DAB1: variants seen among roughly 807,000 people sequenced by gnomAD.
The protein encoded by DAB1 is DAB adaptor protein 1, also known as disabled homolog 1.
A neutral mutation model predicts 64.6 loss-of-function variants in DAB1; 15 were observed. The ratio of observed to expected loss-of-function variants is 0.23; its 90% CI spans 0.16 to 0.36. The LOEUF (loss-of-function observed/expected upper bound fraction) is 0.36. Among genes scored for constraint, DAB1 ranks in the 10% least tolerant of loss-of-function variants. The pLI, the probability that DAB1 is intolerant of heterozygous loss-of-function variation, is 1.00. For synonymous variants in DAB1, 235 were observed against 251.9 expected, an observed-to-expected ratio of 0.93 and a Z score of 0.64; for missense variants, 596 against 706.7, an observed-to-expected ratio of 0.84 and a Z score of 1.78.
intron 3 of DAB1, among the ~76,000 whole-genome samples, chr1:58,490,027 C>G (rs1371168020): frequency 6.6e-6 from 1 of 152,230 alleles, no homozygotes; most frequent in Admixed American, 6.5e-5. Flanking sequence ...TTCTAAAAAT[C>G]AGAGTGCCTC....
intron 1 of DAB1, among the ~76,000 whole-genome samples, chr1:57,854,875 T>C (rs1374063989): frequency 6.6e-6 from 1 of 152,218 alleles, no homozygotes; most frequent in East Asian, 1.9e-4. Context: ...GGGTTAATTC[T>C]GCTTGAACCT....
intron 5 of DAB1, chr1:58,048,709 C>G (rs1449070803): frequency 2.3e-6 from 3 of 1,322,962 alleles, no homozygotes; most frequent in Non-Finnish European, 3.2e-6. Context: ...AACCACTTCA[C>G]CTCTTTGGCT....
At chr1:57,348,659 C>A (rs12126723) in intron 1 of DAB1, among the ~76,000 whole-genome samples, 3 of 151,800 alleles carry the variant, frequency 2.0e-5, no homozygotes, top group African/African-American at 4.8e-5. Flanking sequence ...TCAATGAAGC[C>A]AACTAGAATG....
In DAB1 at chr1:58,445,594, G is replaced by T. The variant is rs139108088; in HGVS notation, n.257+60466C>A. Among the ~76,000 whole-genome samples the T allele has an allele frequency of 6.0e-3, 908 of 152,322 alleles. 5 individuals carry two copies. The highest frequency in any genetic ancestry group is 9.4e-3 in the Non-Finnish European group (640 of 68,022). Reference sequence around the variant, plus strand: ...ACTTACGCAGGTGCTTCTGTTCTTGGATCTGTGAAAAACGCTTCTTGCTGG... The same window carrying T: ...ACTTACGCAGGTGCTTCTGTTCTTGTATCTGTGAAAAACGCTTCTTGCTGG... On this transcript the variant is annotated intron_variant and non_coding_transcript_variant, in intron 3 of 20. Transcript: ENST00000485760.
intron 4 of DAB1, among the ~76,000 whole-genome samples, chr1:57,098,710 A>G (rs1654397476): frequency 6.6e-6 from 1 of 152,228 alleles, no homozygotes; most frequent in Non-Finnish European, 1.5e-5. Context: ...CGGACTATGA[A>G]GCAATGATGG....
At chr1:58,134,276 A>G (rs1653814067) in intron 5 of DAB1, among the ~76,000 whole-genome samples, 1 of 152,108 alleles carries the variant, frequency 6.6e-6, no homozygotes, top group African/African-American at 2.4e-5. Context: ...CCTAACATGG[A>G]GAAAAAAAAG....
intron 7 of DAB1, among the ~76,000 whole-genome samples, chr1:57,635,435 A>G (rs1646040737): frequency 6.6e-6 from 1 of 151,990 alleles, no homozygotes; most frequent in Admixed American, 6.5e-5. Context: ...CAGATCAGCT[A>G]TGGCCTTAGG....
intron 1 of DAB1, among the ~76,000 whole-genome samples, chr1:57,311,151 G>A (rs1489457341): frequency 1.3e-5 from 2 of 152,132 alleles, no homozygotes; most frequent in Non-Finnish European, 2.9e-5. Context: ...GCTGTTAAGT[G>A]TCACCCAGCG....
chr1:58,138,368 T>A (rs1654066582), intron 5 of DAB1, among the ~76,000 whole-genome samples: 1 of 152,124 alleles, frequency 6.6e-6, no homozygotes, highest in African/African-American at 2.4e-5. Context: ...GTGGAAGAAA[T>A]AGCTCCTTGT....
intron 6 of DAB1, among the ~76,000 whole-genome samples, chr1:57,746,836 G>A (rs2101798229): frequency 6.6e-6 from 1 of 152,056 alleles, no homozygotes; most frequent in South Asian, 2.1e-4. Context: ...CCATGATGTG[G>A]AAGTCATGGA....
At chr1:58,538,373 G>C (rs555672539) in intron 1 of DAB1, among the ~76,000 whole-genome samples, 57 of 152,274 alleles carry the variant, frequency 3.7e-4, no homozygotes, top group Admixed American at 1.4e-3. Flanking sequence ...TCAATTTTAT[G>C]ATTTGCTGCC....
rs17115222 is a variant in DAB1, at chr1:57,150,675, T to C, written c.68-5246A>G. 7.9e-3 allele frequency among the ~76,000 whole-genome samples: 1,199 copies of C among 152,226 alleles called. 17 individuals are homozygous for C. The highest frequency in any genetic ancestry group is 0.066 in the East Asian group (343 of 5,168). On this transcript the variant is annotated intron_variant, in intron 2 of 14. Transcript: ENST00000371236. ...TGGTAGGGAGATGATTAGGAAGAGC[T>C]ACAGAGGAGAGATGGCATTTGAGTA...
At chr1:57,557,753 G>A (rs1645007030) in intron 7 of DAB1, among the ~76,000 whole-genome samples, 1 of 152,160 alleles carries the variant, frequency 6.6e-6, no homozygotes, top group Non-Finnish European at 1.5e-5. Flanking sequence ...GAGGGGCAAG[G>A]AGTTTAGTGA....
In DAB1 at chr1:58,377,973, G is replaced by A. The variant is rs1352873132; in HGVS notation, n.258-34570C>T. On this transcript the variant is annotated intron_variant and non_coding_transcript_variant, in intron 3 of 20. Coordinates refer to the DAB1 transcript ENST00000485760. ...ACCCTTTCTTCCAGTTGATCGCATC[G>A]GCTCCTGAGGCTTCTGCATTCTTCA... Among the ~76,000 whole-genome samples, 10 of 140,112 alleles carry A rather than the reference G, an allele frequency of 7.1e-5. 2 individuals carry two copies. The highest frequency in any genetic ancestry group is 4.0e-4 in the East Asian group (2 of 4,988). The allele number at this position is 140,112 out of a possible 152,430, so 91.9% of individuals were successfully genotyped here.
chr1:57,491,508 A>G (rs1644164756), intron 7 of DAB1, among the ~76,000 whole-genome samples: 1 of 152,246 alleles, frequency 6.6e-6, no homozygotes, highest in Non-Finnish European at 1.5e-5. Flanking sequence ...GAGGACAACA[A>G]ATAAAAAAAT....
At chr1:57,017,466 T>C (rs909791290) in intron 11 of DAB1, among the ~76,000 whole-genome samples, 2 of 152,166 alleles carry the variant, frequency 1.3e-5, no homozygotes, top group East Asian at 1.9e-4. Context: ...CCTCACTCCA[T>C]GCTCAAGTCA....
At chr1:57,335,163 T>G (rs535334746) in intron 1 of DAB1, among the ~76,000 whole-genome samples, 76 of 152,216 alleles carry the variant, frequency 5.0e-4, no homozygotes, top group African/African-American at 1.8e-3. Flanking sequence ...GGCTTTCTTC[T>G]GGAGACAGGA....
At chr1:57,785,758 C>G (rs1056901373) in intron 6 of DAB1, among the ~76,000 whole-genome samples, 2 of 152,128 alleles carry the variant, frequency 1.3e-5, no homozygotes, top group Non-Finnish European at 2.9e-5. Context: ...GAAATATACT[C>G]CTGGTGAAGA....
At chr1:57,977,714 C>T (rs1023389475) in intron 5 of DAB1, among the ~76,000 whole-genome samples, 5 of 152,214 alleles carry the variant, frequency 3.3e-5, no homozygotes, top group African/African-American at 7.2e-5. Context: ...CGACATCCCC[C>T]GGACCCACCA....
Sources: gnomAD v4.1 joint callset for allele counts (sites outside exome capture counted in the v4.1 genomes callset) on GRCh38, gnomAD v4.1.1 for gene constraint, MANE v1.5 for transcripts, NCBI Gene and HGNC (gene_info 2026-07-23, HGNC 2026-07-21) for gene names.